The following SHISA6 variants were observed in gnomAD, a reference collection of about 807,000 sequenced individuals.
The protein encoded by SHISA6 is shisa family member 6.
Under a neutral mutation model 47.9 loss-of-function variants are expected in SHISA6, and 22 were observed. The ratio of observed to expected loss-of-function variants is 0.46; its 90% CI spans 0.33 to 0.66. SHISA6 has a LOEUF of 0.66. SHISA6 is among the 30% of genes least tolerant of loss of function. SHISA6 has a pLI of 0.02. For missense variants in SHISA6, 680 were observed against 764.6 expected, an observed-to-expected ratio of 0.89 and a Z score of 1.30; for synonymous variants, 388 against 337.8, an observed-to-expected ratio of 1.15 and a Z score of -1.63.
At chr17:11,346,449 C>G (rs961589182) in intron 2 of SHISA6, among the ~76,000 whole-genome samples, 2 of 152,050 alleles carry the variant, frequency 1.3e-5, no homozygotes, top group African/African-American at 4.8e-5. Flanking sequence ...ATCTAAAGAA[C>G]CATTTTAAGT....
intron 2 of SHISA6, among the ~76,000 whole-genome samples, chr17:11,355,921 A>G (rs1912064611): frequency 1.3e-5 from 2 of 152,228 alleles, no homozygotes; most frequent in Non-Finnish European, 2.9e-5. Flanking sequence ...TGAGATCAAA[A>G]CACAGATATA....
intron 3 of SHISA6, among the ~76,000 whole-genome samples, chr17:11,413,360 C>T (rs749193789): frequency 1.3e-5 from 2 of 152,184 alleles, no homozygotes; most frequent in Non-Finnish European, 1.5e-5. Flanking sequence ...CTCATAGTTG[C>T]TTGATGGCTG....
intron 3 of SHISA6, among the ~76,000 whole-genome samples, chr17:11,413,766 G>C (rs1914203699): frequency 6.6e-6 from 1 of 152,118 alleles, no homozygotes. Context: ...TTGAGTCTCA[G>C]CCTCAGAACT....
At chr17:11,261,346 C>G (rs1308638970) in intron 1 of SHISA6, among the ~76,000 whole-genome samples, 1 of 152,204 alleles carries the variant, frequency 6.6e-6, no homozygotes, top group African/African-American at 2.4e-5. Context: ...TCAGGCAGCC[C>G]TTGTTTGAGA....
chr17:11,403,599 G>A (rs1440585329), intron 3 of SHISA6, among the ~76,000 whole-genome samples: 2 of 152,224 alleles, frequency 1.3e-5, no homozygotes, highest in Non-Finnish European at 2.9e-5. Flanking sequence ...TGGCCACTGG[G>A]TGGGTGTCAG....
At chr17:11,356,055 G>A (rs1912068791) in intron 2 of SHISA6, among the ~76,000 whole-genome samples, 1 of 152,226 alleles carries the variant, frequency 6.6e-6, no homozygotes, top group Non-Finnish European at 1.5e-5. Flanking sequence ...TAGGTGATCT[G>A]TGTGTTTACC....
intron 2 of SHISA6, among the ~76,000 whole-genome samples, chr17:11,264,348 T>G (rs2142147238): frequency 6.6e-6 from 1 of 152,352 alleles, no homozygotes; most frequent in East Asian, 1.9e-4. Flanking sequence ...ATGGAAAGGT[T>G]AAGTAACTTT....
chr17:11,509,830 C>G (rs2071528579), intron 3 of SHISA6, among the ~76,000 whole-genome samples: 1 of 152,182 alleles, frequency 6.6e-6, no homozygotes, highest in South Asian at 2.1e-4. Flanking sequence ...TCTTAATACT[C>G]TATTGTCTAG....
In SHISA6 at chr17:11,263,471, C is replaced by T. The variant is rs769822778; in HGVS notation, c.744C>T (p.Val248=). The change falls in exon 2 of 6, where the codon GTC becomes GTT. Residue 248 remains valine (V), a synonymous_variant. Transcript: ENST00000441885. ...CCTCTCCCAAAGAGAACACGCCGGTCAGATCGTCCTCCAAAAACCACTACA... is the reference window on the plus strand; with the variant it reads ...CCTCTCCCAAAGAGAACACGCCGGTTAGATCGTCCTCCAAAAACCACTACA... The part of the protein sequence containing the change: ...IDTSPKENTP[V]RSSSKNHYTP... 4.5e-6 allele frequency: 7 copies of T among 1,551,612 alleles called. No homozygotes were observed. Among genetic ancestry groups the T allele is most frequent in the Non-Finnish European group, 6.1e-6 (7 of 1,147,020 alleles).
intron 2 of SHISA6, among the ~76,000 whole-genome samples, chr17:11,276,221 G>T (rs891315644): frequency 1.3e-5 from 2 of 151,882 alleles, no homozygotes; most frequent in Non-Finnish European, 2.9e-5. Flanking sequence ...CAAGTGATCC[G>T]CCCGTCTCAG....
chr17:11,461,533 G>C (rs1915691436), intron 3 of SHISA6, among the ~76,000 whole-genome samples: 1 of 152,112 alleles, frequency 6.6e-6, no homozygotes, highest in African/African-American at 2.4e-5. Flanking sequence ...ACAGCACATA[G>C]GGCTACATGG....
chr17:11,395,049 TG>T (rs2142258986), intron 3 of SHISA6, among the ~76,000 whole-genome samples: 1 of 145,404 alleles, frequency 6.9e-6, no homozygotes, highest in Non-Finnish European at 1.5e-5. Flanking sequence ...TTGCCCAGGC[TG>T]GAGTGCAGTG....
chr17:11,536,440 G>C (rs1305008544), intron 3 of SHISA6, among the ~76,000 whole-genome samples: 1 of 152,176 alleles, frequency 6.6e-6, no homozygotes, highest in African/African-American at 2.4e-5. Context: ...ATTCTCAAAA[G>C]AGCAACCATT....
At chr17:11,544,335 AG>A (rs1269846201) in intron 3 of SHISA6, among the ~76,000 whole-genome samples, 19 of 152,204 alleles carry the variant, frequency 1.2e-4, no homozygotes, top group African/African-American at 4.3e-4. Flanking sequence ...ACTAATATCT[AG>A]GATATAAAAA....
chr17:11,409,703 CAAAAAAAA>C (rs35351476), intron 3 of SHISA6, among the ~76,000 whole-genome samples: 9 of 82,170 alleles, frequency 1.1e-4, no homozygotes, highest in Non-Finnish European at 1.5e-4. Flanking sequence ...GACTCCATCT[CAAAAAAAA>C]AAAAAAAAAA....
intron 2 of SHISA6, among the ~76,000 whole-genome samples, chr17:11,307,190 G>A (rs546242941): frequency 8.3e-5 from 12 of 144,386 alleles, no homozygotes; most frequent in African/African-American, 3.1e-4. Context: ...TTAAGTTTTA[G>A]GGATATATTT....
chr17:11,280,743 GA>G (rs1387587003), intron 2 of SHISA6, among the ~76,000 whole-genome samples: 26 of 152,324 alleles, frequency 1.7e-4, no homozygotes, highest in African/African-American at 6.0e-4. Flanking sequence ...TATCAGGGTA[GA>G]AACATCAGGC....
chr17:11,409,000 GCA>G (rs1914039815), intron 3 of SHISA6, among the ~76,000 whole-genome samples: 1 of 152,096 alleles, frequency 6.6e-6, no homozygotes, highest in African/African-American at 2.4e-5. Context: ...AATGGAACCA[GCA>G]CAGTGTCATC....
intron 1 of SHISA6, among the ~76,000 whole-genome samples, chr17:11,242,597 A>G (rs1907410341): frequency 6.6e-6 from 1 of 152,140 alleles, no homozygotes; most frequent in Non-Finnish European, 1.5e-5. Context: ...TCTCCATTCC[A>G]TGTTGACCAA....
Sources: allele counts gnomAD v4.1 joint callset (sites outside exome capture counted in the v4.1 genomes callset), GRCh38; gene constraint gnomAD v4.1.1; transcripts MANE v1.5; gene names NCBI Gene and HGNC (gene_info 2026-07-23, HGNC 2026-07-21).